PYROXD2: variants seen among roughly 807,000 people sequenced by gnomAD.
The protein encoded by PYROXD2 is pyridine nucleotide-disulfide oxidoreductase domain-containing protein 2.
PYROXD2 carries 69 observed loss-of-function variants against 71.1 expected under a neutral mutation model. The ratio of observed to expected loss-of-function variants is 0.97; its 90% CI spans 0.80 to 1.19. PYROXD2 has a LOEUF of 1.19. Among genes scored for constraint, PYROXD2 ranks in the 50% most tolerant of loss-of-function variants. The pLI, the probability that PYROXD2 is intolerant of heterozygous loss-of-function variation, is 0.00. For missense variants in PYROXD2, 745 were observed against 748.9 expected (o/e 0.99, Z 0.06); for synonymous variants, 287 against 302.7 (o/e 0.95, Z 0.54).
At chr10:98,411,952 A>AGAT (rs1471424480) in intron 1 of PYROXD2, 1 of 152,272 alleles carries the variant, frequency 6.6e-6, no homozygotes, top group Non-Finnish European at 1.5e-5. Context: ...ACTCATGAAC[A>AGAT]GATGGAATCT....
At chr10:98,397,877 C>CTTTTTTTTT (rs60678578) in intron 5 of PYROXD2, among the ~76,000 whole-genome samples, 1 of 84,172 alleles carries the variant, frequency 1.2e-5, no homozygotes, top group Admixed American at 1.5e-4. Context: ...GTCCTTTCTT[C>CTTTTTTTTT]TTTTTTTTTT....
chr10:98,394,075 C>T (rs1287269448), intron 8 of PYROXD2, among the ~76,000 whole-genome samples: 1 of 152,194 alleles, frequency 6.6e-6, no homozygotes, highest in Non-Finnish European at 1.5e-5. Flanking sequence ...GGCTGCTCCT[C>T]CTAGCATCAC....
At chr10:98,384,599 T>G (rs1439330735) in intron 15 of PYROXD2, among the ~76,000 whole-genome samples, 1 of 152,162 alleles carries the variant, frequency 6.6e-6, no homozygotes, top group Non-Finnish European at 1.5e-5. Context: ...GCCTAGGCGA[T>G]AGCGTGAAGC....
At chr10:98,409,471 T>G (rs79345713) in intron 2 of PYROXD2, among the ~76,000 whole-genome samples, 2,596 of 152,292 alleles carry the variant, frequency 0.017, 28 homozygotes, top group Middle Eastern at 0.031. Flanking sequence ...CAACCCGAGG[T>G]TCCCCTGATG....
chr10:98,407,447 C>A, intron 4 of PYROXD2, 135 bp downstream of exon 4: 1 of 1,060,904 alleles, frequency 9.4e-7, no homozygotes, highest in East Asian at 2.6e-5. Context: ...ACGTGGGATA[C>A]ACAAGACTTG....
chr10:98,406,550 C>G (rs1843602713), intron 4 of PYROXD2, among the ~76,000 whole-genome samples: 1 of 152,348 alleles, frequency 6.6e-6, no homozygotes, highest in Non-Finnish European at 1.5e-5. Context: ...GAGCTGTGAA[C>G]AACAGCTGGA....
chr10:98,407,564 C>T lies in PYROXD2; in HGVS notation c.315+18G>A, dbSNP rs902282641. ...TGCCTCCTCCCTCCGTGCAATCGGG[C>T]CGGCGGGGGGGCCCTACCTTCAGCT... is the stretch of plus-strand genomic sequence containing the variant. On this transcript the variant is annotated intron_variant, in intron 4 of 15. Coordinates refer to ENST00000370575, the MANE Select transcript of PYROXD2 (RefSeq NM_032709.3). 1.1e-5 allele frequency: 18 copies of T among 1,612,950 alleles called. No homozygotes were observed. The highest frequency in any genetic ancestry group is 1.4e-5 in the Non-Finnish European group (16 of 1,179,922).
rs1347266420 is a variant in PYROXD2, at chr10:98,388,382, C to T, written c.1419G>A (p.Glu473=). Residue 473 remains glutamate, a synonymous_variant, in exon 13 of 16, where the codon GAG becomes GAA. Transcript: ENST00000370575. ...TGTCTGCATAAGCGTCTCTCTCCTGCTCGTCCCAGGCCTTGCCTCCAGCCA... is the reference window on the plus strand; with the variant it reads ...TGTCTGCATAAGCGTCTCTCTCCTGTTCGTCCCAGGCCTTGCCTCCAGCCA... ...YTLAGGKAWD[E]QERDAYADRV... 1.2e-6 allele frequency: 2 copies of T among 1,613,710 alleles called. No individual in the cohort carries two copies. Among genetic ancestry groups the T allele is most frequent in the Non-Finnish European group, 1.7e-6 (2 of 1,179,966 alleles).
Position 98,390,539 on chromosome 10 carries a change from C to A in PYROXD2, c.1292+59G>T, listed in dbSNP as rs554281572. On this transcript the variant is annotated intron_variant, in intron 12 of 15. Transcript: ENST00000370575. ...TCCCTGCTGTGGGTGGCATGGACAG[C>A]CCCGCCTCCCAGGCCCATGTGGAAG... 1.9e-4 allele frequency: 281 copies of A among 1,503,710 alleles called. No individual in the cohort carries two copies. In the African/African-American group the frequency reaches 3.6e-3, roughly 19 times the overall value. 93.1% of individuals were successfully genotyped at this position (1,503,710 alleles called of 1,614,324 possible). A position where few individuals can be genotyped will look rare whatever the true frequency, so the allele number is the denominator to read the frequency against.
At chr10:98,385,525 C>T (rs558663764) in intron 14 of PYROXD2, among the ~76,000 whole-genome samples, 1 of 152,218 alleles carries the variant, frequency 6.6e-6, no homozygotes, top group Non-Finnish European at 1.5e-5. Flanking sequence ...CACGGTTCTG[C>T]CCCCCTGGCT....
intron 4 of PYROXD2, 57 bp from the exon 5 acceptor site, chr10:98,400,314 C>A: frequency 6.6e-7 from 1 of 1,508,914 alleles, no homozygotes; most frequent in East Asian, 2.3e-5. Context: ...CTCTGCCCAT[C>A]ATCTTTCTCC....
chr10:98,388,634 A>G, intron 12 of PYROXD2, 126 bp from the exon 13 acceptor site: 1 of 1,101,256 alleles, frequency 9.1e-7, no homozygotes, highest in Non-Finnish European at 1.2e-6. Flanking sequence ...GTCGCTCTAC[A>G]GCCACAGTGG....
At chr10:98,388,959 T>A (rs1218440276) in intron 12 of PYROXD2, among the ~76,000 whole-genome samples, 3 of 152,134 alleles carry the variant, frequency 2.0e-5, no homozygotes, top group Admixed American at 1.3e-4. Flanking sequence ...CCAGCAGAGC[T>A]GTGACCTGCT....
At position 98,388,384 on chromosome 10, in the gene PYROXD2, C is replaced by G. The variant is rs750782236; in HGVS notation, c.1417G>C (p.Glu473Gln). 2.5e-6 allele frequency: 4 copies of G among 1,613,756 alleles called. No individual in the cohort carries two copies. The highest frequency in any genetic ancestry group is 1.6e-4 in the Middle Eastern group (1 of 6,062). ...YTLAGGKAWD[E>Q]QERDAYADRV... ...TCTGCATAAGCGTCTCTCTCCTGCT[C>G]GTCCCAGGCCTTGCCTCCAGCCAGC... The change falls in exon 13 of 16, where the codon GAG becomes CAG. Residue 473 changes from glutamate to glutamine, a missense_variant. Physicochemically the swap from Glu to Gln is conservative, Grantham distance 29. Coordinates refer to ENST00000370575, the MANE Select transcript of PYROXD2 (RefSeq NM_032709.3).
chr10:98,412,945 G>A (rs560345183), intron 1 of PYROXD2, among the ~76,000 whole-genome samples: 1 of 152,286 alleles, frequency 6.6e-6, no homozygotes, highest in East Asian at 1.9e-4. Context: ...GGGAGTTTGT[G>A]AGCCGGCTGT....
chr10:98,385,081 GC>G lies in PYROXD2; in HGVS notation c.1555-15del, dbSNP rs1418005926. The G allele has an allele frequency of 6.2e-7, 1 of 1,613,328 alleles. No individual in the cohort carries two copies. Among genetic ancestry groups the G allele is most frequent in the Non-Finnish European group, 8.5e-7 (1 of 1,179,804 alleles). ...GTGGAATATGTTCTGCAGAGGCAGG[GC>G]CACAGTCATCAGCACAGGAGAGTTA... is the stretch of plus-strand genomic sequence containing the variant. On this transcript the variant is annotated splice_polypyrimidine_tract_variant and intron_variant, in intron 14 of 15. Coordinates refer to ENST00000370575, the MANE Select transcript of PYROXD2 (RefSeq NM_032709.3).
chr10:98,410,819 G>C (rs1364950451), intron 2 of PYROXD2, 120 bp downstream of exon 2: 3 of 1,445,050 alleles, frequency 2.1e-6, no homozygotes, highest in Non-Finnish European at 2.8e-6. Context: ...CATCGACTAG[G>C]CTGCCTTTTC....
At chr10:98,413,874 C>T (rs1206558629) in intron 1 of PYROXD2, 1 of 152,098 alleles carries the variant, frequency 6.6e-6, no homozygotes, top group African/African-American at 2.4e-5. Flanking sequence ...TTGTCATTTG[C>T]AACTATAGGT....
At chr10:98,403,488 C>T in intron 4 of PYROXD2, among the ~76,000 whole-genome samples, 1 of 152,230 alleles carries the variant, frequency 6.6e-6, no homozygotes. Flanking sequence ...TGGCTTCTCG[C>T]TGCACTTGGA....
Sources: allele counts gnomAD v4.1 joint callset (sites outside exome capture counted in the v4.1 genomes callset), GRCh38; gene constraint gnomAD v4.1.1; transcripts MANE v1.5; gene names NCBI Gene and HGNC (gene_info 2026-07-23, HGNC 2026-07-21).